HAO2: variants seen among roughly 807,000 people sequenced by gnomAD.
HAO2 encodes the protein 2-Hydroxyacid oxidase 2.
HAO2 carries 42 observed loss-of-function variants against 37.4 expected under a neutral mutation model. That is an observed-to-expected ratio of 1.12 (90% CI 0.88 to 1.45). The LOEUF (loss-of-function observed/expected upper bound fraction) is 1.45, where lower values mean the gene tolerates loss of function less well. HAO2 is among the 40% of genes most tolerant of loss of function. The pLI is 0.00. For synonymous variants in HAO2, 180 were observed against 162.8 expected (o/e 1.11, Z -0.81); for missense variants, 476 against 430.2 (o/e 1.11, Z -0.94).
intron 5 of HAO2, 139 bp downstream of exon 5, chr1:119,386,970 A>G (rs980304341): frequency 1.3e-5 from 8 of 636,354 alleles, no homozygotes; most frequent in Non-Finnish European, 2.3e-5. Flanking sequence ...GTATCTGTGA[A>G]TTTTAAGGAC....
intron 1 of HAO2, among the ~76,000 whole-genome samples, chr1:119,375,277 T>A (rs1254380224): frequency 6.6e-6 from 1 of 152,128 alleles, no homozygotes; most frequent in Non-Finnish European, 1.5e-5. Flanking sequence ...AGGGATCAAA[T>A]TGAAAGAAAG....
At chr1:119,393,761 C>G in intron 7 of HAO2, 24 bp from the exon 8 acceptor site, 1 of 1,610,126 alleles carries the variant, frequency 6.2e-7, no homozygotes, top group African/African-American at 1.3e-5. Flanking sequence ...CAAAAATGAG[C>G]TTGTAACCAC....
chr1:119,392,355 A>G, intron 6 of HAO2, 87 bp downstream of exon 6: 1 of 1,166,524 alleles, frequency 8.6e-7, no homozygotes, highest in Admixed American at 2.2e-5. Flanking sequence ...CCAAGCTTAG[A>G]CATTTTCAAA....
At chr1:119,380,459 C>T (rs1446891959) in intron 1 of HAO2, 2 of 455,826 alleles carry the variant, frequency 4.4e-6, no homozygotes, top group East Asian at 6.9e-5. Flanking sequence ...CCAAGAATTA[C>T]AAAGTAAACT....
In HAO2 at chr1:119,394,126, T is replaced by C; in HGVS notation, c.*286T>C. The C allele has an allele frequency of 1.0e-6, 1 of 977,878 alleles. No homozygotes were observed. The highest frequency in any genetic ancestry group is 1.3e-6 in the Non-Finnish European group (1 of 745,934). 60.6% of individuals were successfully genotyped at this position (977,878 alleles called of 1,614,324 possible). A position where few individuals can be genotyped will look rare whatever the true frequency, so the allele number is the denominator to read the frequency against. The stretch of plus-strand genomic sequence containing the variant: ...CTCAAAAGGACAGATCATTAATGAC[T>C]GGAACCACTAGTGGGTGATATTTTT... On this transcript the variant is annotated 3_prime_UTR_variant, in exon 8 of 8. Coordinates refer to ENST00000325945, the MANE Select transcript of HAO2 (RefSeq NM_016527.4).
At chr1:119,376,178 T>C (rs1192308624) in intron 1 of HAO2, among the ~76,000 whole-genome samples, 1 of 152,144 alleles carries the variant, frequency 6.6e-6, no homozygotes, top group African/African-American at 2.4e-5. Flanking sequence ...CTAGATACAA[T>C]GGGGATACAG....
intron 1 of HAO2, chr1:119,369,149 G>A (rs1006575327): frequency 6.6e-6 from 1 of 152,134 alleles, no homozygotes; most frequent in Admixed American, 6.6e-5. Context: ...ATTGTATGGT[G>A]GAATATTCGT....
intron 4 of HAO2, chr1:119,385,276 G>A: frequency 1.0e-6 from 1 of 985,306 alleles, no homozygotes; most frequent in Non-Finnish European, 1.2e-6. Context: ...CACCCTTGGA[G>A]CTGCCCAACT....
At chr1:119,376,344 C>A (rs1335505518) in intron 1 of HAO2, among the ~76,000 whole-genome samples, 1 of 152,212 alleles carries the variant, frequency 6.6e-6, no homozygotes. Flanking sequence ...CACACTGATG[C>A]AAGAGGTGGG....
At position 119,393,992 on chromosome 1, in the gene HAO2, C is replaced by T. The variant is rs1388503676; in HGVS notation, c.*152C>T. ...CATTTCTAATACCACCACCCCTGTG[C>T]TTCAGGCCCTCCAAACCCCTGTGTT... On this transcript the variant is annotated 3_prime_UTR_variant, in exon 8 of 8. Transcript: ENST00000325945. 8.1e-6 allele frequency: 12 copies of T among 1,479,334 alleles called. No homozygotes were observed. In the Admixed American group the frequency reaches 1.1e-4, roughly 13 times the overall value. 91.6% of individuals were successfully genotyped at this position (1,479,334 alleles called of 1,614,324 possible).
chr1:119,372,793 T>A (rs1405011647), intron 1 of HAO2, among the ~76,000 whole-genome samples: 1 of 152,160 alleles, frequency 6.6e-6, no homozygotes, highest in African/African-American at 2.4e-5. Context: ...CCCAGCTGTT[T>A]GTTGTTGGCA....
At chr1:119,372,841 C>T (rs1326447763) in intron 1 of HAO2, among the ~76,000 whole-genome samples, 1 of 152,178 alleles carries the variant, frequency 6.6e-6, no homozygotes, top group East Asian at 1.9e-4. Context: ...CTGTTCTATA[C>T]TTTATTGCCA....
intron 5 of HAO2, among the ~76,000 whole-genome samples, chr1:119,388,216 C>G (rs74855765): frequency 0.035 from 5,345 of 152,160 alleles, 287 homozygotes; most frequent in African/African-American, 0.12. Context: ...CATAGCATGC[C>G]CTGGGTCATC....
At chr1:119,375,057 A>AGGAGC (rs1649336571) in intron 1 of HAO2, among the ~76,000 whole-genome samples, 1 of 152,200 alleles carries the variant, frequency 6.6e-6, no homozygotes, top group Non-Finnish European at 1.5e-5. Flanking sequence ...TTCTAGAACA[A>AGGAGC]TAGCTGGCAA....
At chr1:119,370,903 T>C (rs1056056621) in intron 1 of HAO2, among the ~76,000 whole-genome samples, 1 of 152,196 alleles carries the variant, frequency 6.6e-6, no homozygotes, top group African/African-American at 2.4e-5. Flanking sequence ...CTGTGAGATA[T>C]AGGTACACCT....
intron 5 of HAO2, among the ~76,000 whole-genome samples, chr1:119,388,689 A>C (rs1223106830): frequency 6.6e-6 from 1 of 152,132 alleles, no homozygotes; most frequent in African/African-American, 2.4e-5. Flanking sequence ...CTATTTATTT[A>C]TAAAAACAAA....
At chr1:119,393,687 T>A (rs72563187) in intron 7 of HAO2, 98 bp from the exon 8 acceptor site, 2 of 925,170 alleles carry the variant, frequency 2.2e-6, no homozygotes, top group African/African-American at 1.6e-5. Context: ...AGCACAAAGA[T>A]CAAGTCAGAC....
At chr1:119,371,401 G>C (rs373013125) in intron 1 of HAO2, among the ~76,000 whole-genome samples, 1 of 152,192 alleles carries the variant, frequency 6.6e-6, no homozygotes. Context: ...TTAAACATAA[G>C]AAGTTATTTT....
chr1:119,376,817 A>T (rs1473406256), intron 1 of HAO2, among the ~76,000 whole-genome samples: 1 of 152,204 alleles, frequency 6.6e-6, no homozygotes, highest in Non-Finnish European at 1.5e-5. Flanking sequence ...CCTTTTAGCC[A>T]TGGCTGGAAC....
Sources: gnomAD v4.1 joint callset for allele counts (sites outside exome capture counted in the v4.1 genomes callset) on GRCh38, gnomAD v4.1.1 for gene constraint, MANE v1.5 for transcripts, NCBI Gene and HGNC (gene_info 2026-07-23, HGNC 2026-07-21) for gene names.